The following FERMT2 variants were observed in gnomAD, a reference collection of about 807,000 sequenced individuals.
The protein encoded by FERMT2 is FERM domain containing kindlin 2.
FERMT2 carries 15 observed loss-of-function variants against 82.7 expected under a neutral mutation model. The ratio of observed to expected loss-of-function variants is 0.18; its 90% CI spans 0.12 to 0.28. The LOEUF is 0.28. FERMT2 is among the 10% of genes least tolerant of loss of function. FERMT2 has a pLI of 1.00. For missense variants in FERMT2, 645 were observed against 809.4 expected, an observed-to-expected ratio of 0.80 and a Z score of 2.46; for synonymous variants, 274 against 271.5, an observed-to-expected ratio of 1.01 and a Z score of -0.09.
chr14:52,907,834 G>T (rs945856001), intron 3 of FERMT2, among the ~76,000 whole-genome samples: 3 of 150,310 alleles, frequency 2.0e-5, no homozygotes, highest in African/African-American at 4.9e-5. Flanking sequence ...AAACAGAAAA[G>T]AAATGGGACA....
intron 4 of FERMT2, among the ~76,000 whole-genome samples, chr14:52,889,824 T>C (rs755438228): frequency 1.3e-5 from 2 of 152,034 alleles, no homozygotes; most frequent in African/African-American, 2.4e-5. Context: ...TCTCTAAACA[T>C]AGAAAAGGTA....
chr14:52,864,663 G>T lies in FERMT2; in HGVS notation c.1381-41C>A, dbSNP rs761310814. The stretch of plus-strand genomic sequence containing the variant: ...ACTGATGTGTGCAATGTATCACGAG[G>T]TGGGTCTTTCAAGTATAAAATATAA... On this transcript the variant is annotated intron_variant, in intron 11 of 14. Transcript: ENST00000341590. 1.9e-6 allele frequency: 3 copies of T among 1,586,722 alleles called. No individual in the cohort carries two copies. In the South Asian group the frequency reaches 3.3e-5, roughly 18 times the overall value.
intron 3 of FERMT2, among the ~76,000 whole-genome samples, chr14:52,898,802 T>C (rs1231331553): frequency 1.3e-5 from 2 of 152,168 alleles, no homozygotes; most frequent in South Asian, 2.1e-4. Flanking sequence ...ATCTAAAAAG[T>C]ATTGAAGGAT....
At chr14:52,929,069 T>TCACATCTCTTCTTGATGTCC (rs1889443748) in intron 2 of FERMT2, among the ~76,000 whole-genome samples, 1 of 152,180 alleles carries the variant, frequency 6.6e-6, no homozygotes, top group Non-Finnish European at 1.5e-5. Context: ...ACTGCCTATC[T>TCACATCTCTTCTTGATGTCC]CACATCTCTT....
chr14:52,883,279 G>T (rs1489684396), intron 4 of FERMT2, among the ~76,000 whole-genome samples: 3 of 152,142 alleles, frequency 2.0e-5, no homozygotes, highest in Non-Finnish European at 4.4e-5. Context: ...TAGTCCTGGG[G>T]CTTTAAAAGC....
At chr14:52,875,517 A>G (rs1464498558) in intron 7 of FERMT2, among the ~76,000 whole-genome samples, 160 bp from the exon 8 acceptor site, 1 of 152,182 alleles carries the variant, frequency 6.6e-6, no homozygotes, top group Non-Finnish European at 1.5e-5. Flanking sequence ...TGAAATCAAT[A>G]TCCTAAACCT....
intron 3 of FERMT2, among the ~76,000 whole-genome samples, chr14:52,894,744 T>A (rs930821656): frequency 5.9e-5 from 9 of 151,838 alleles, no homozygotes; most frequent in Admixed American, 2.6e-4. Flanking sequence ...CTTATAACAA[T>A]AGCAAAAATT....
intron 3 of FERMT2, among the ~76,000 whole-genome samples, chr14:52,897,975 T>A (rs1474728365): frequency 1.6e-3 from 16 of 10,284 alleles, no homozygotes; most frequent in Middle Eastern, 0.045. Flanking sequence ...AAACTCCGTC[T>A]CAAAAAAAAA....
At chr14:52,906,762 G>T (rs1464252251) in intron 3 of FERMT2, among the ~76,000 whole-genome samples, 1 of 151,954 alleles carries the variant, frequency 6.6e-6, no homozygotes, top group Non-Finnish European at 1.5e-5. Flanking sequence ...GCAGCAGAAA[G>T]ATCAATGGAC....
chr14:52,885,245 A>G (rs557408184), intron 4 of FERMT2, among the ~76,000 whole-genome samples: 15 of 136,756 alleles, frequency 1.1e-4, no homozygotes, highest in African/African-American at 4.1e-4. Flanking sequence ...CCCAGAAGGC[A>G]GAGGTTGCAG....
intron 2 of FERMT2, among the ~76,000 whole-genome samples, chr14:52,924,717 C>G (rs966449334): frequency 6.6e-6 from 1 of 151,878 alleles, no homozygotes; most frequent in African/African-American, 2.4e-5. Context: ...TTTACTGCAG[C>G]AAGGAGAATA....
In FERMT2 at chr14:52,880,143, A is replaced by G. The variant is rs181370981; in HGVS notation, c.855+893T>C. Among the ~76,000 whole-genome samples, 206 of 152,224 alleles carry G rather than the reference A, an allele frequency of 1.4e-3. 1 individual carries two copies. Among genetic ancestry groups the G allele is most frequent in the African/African-American group, 4.9e-3 (202 of 41,542 alleles). ...TGTGGCTGGGTGAGCCTGTAGTCCCAGCTACTTGGGAGGCGACGTGGGAGA... is the reference window on the plus strand; with the variant it reads ...TGTGGCTGGGTGAGCCTGTAGTCCCGGCTACTTGGGAGGCGACGTGGGAGA... On this transcript the variant is annotated intron_variant, in intron 6 of 14. Coordinates refer to ENST00000341590, the MANE Select transcript of FERMT2 (RefSeq NM_006832.3).
At chr14:52,941,411 T>C (rs1315706025) in intron 2 of FERMT2, among the ~76,000 whole-genome samples, 3 of 152,104 alleles carry the variant, frequency 2.0e-5, no homozygotes, top group Admixed American at 1.3e-4. Context: ...TTTTACTATA[T>C]GTCAATCAGA....
intron 2 of FERMT2, among the ~76,000 whole-genome samples, chr14:52,940,531 G>A (rs1037365192): frequency 1.6e-4 from 25 of 152,164 alleles, no homozygotes; most frequent in Admixed American, 6.5e-5. Context: ...GAGTATGGCT[G>A]TAGATATATT....
intron 8 of FERMT2, 78 bp downstream of exon 8, chr14:52,875,145 T>C: frequency 8.0e-7 from 1 of 1,256,588 alleles, no homozygotes. Flanking sequence ...CACCCCCAAA[T>C]ACTTTGAACC....
At chr14:52,892,301 C>CCAGCTAATTTTTGTATTTTTAGT (rs2139541754) in intron 4 of FERMT2, among the ~76,000 whole-genome samples, 1 of 151,576 alleles carries the variant, frequency 6.6e-6, no homozygotes, top group East Asian at 1.9e-4. Flanking sequence ...GTCACCACGC[C>CCAGCTAATTTTTGTATTTTTAGT]CAGCTAATTT....
intron 12 of FERMT2, 112 bp downstream of exon 12, chr14:52,864,289 T>C (rs1885135506): frequency 1.4e-6 from 1 of 697,834 alleles, no homozygotes; most frequent in South Asian, 1.9e-5. Flanking sequence ...ATTCTAACCA[T>C]CTGATACAAA....
chr14:52,866,469 C>T lies in FERMT2; in HGVS notation c.1274-1616G>A, dbSNP rs1256690741. On this transcript the variant is annotated intron_variant, in intron 10 of 14. Transcript: ENST00000341590. ...TTCACTGGACATCAACTCCAACTGC[C>T]GAGACTCACTGTCTTCACATTATAC... 2.6e-5 allele frequency among the ~76,000 whole-genome samples: 4 copies of T among 152,142 alleles called. No individual in the cohort carries two copies. In the East Asian group the frequency reaches 7.7e-4, roughly 29 times the overall value.
chr14:52,930,387 A>C (rs1395337653), intron 2 of FERMT2, among the ~76,000 whole-genome samples: 1 of 152,198 alleles, frequency 6.6e-6, no homozygotes, highest in Admixed American at 6.5e-5. Context: ...TAAATTACCC[A>C]ACCAAAAATA....
Sources: allele counts gnomAD v4.1 joint callset (sites outside exome capture counted in the v4.1 genomes callset), GRCh38; gene constraint gnomAD v4.1.1; transcripts MANE v1.5; gene names NCBI Gene and HGNC (gene_info 2026-07-23, HGNC 2026-07-21).